The following VGLL4 variants were observed in gnomAD, a reference collection of about 807,000 sequenced individuals.
The protein encoded by VGLL4 is vestigial like family member 4.
Under a neutral mutation model 21.0 loss-of-function variants are expected in VGLL4, and 7 were observed. The ratio of observed to expected loss-of-function variants is 0.33; its 90% CI spans 0.19 to 0.63. VGLL4 has a LOEUF of 0.63. VGLL4 is among the 20% of genes least tolerant of loss of function. VGLL4 has a pLI of 0.78. For missense variants in VGLL4, 394 were observed against 425.7 expected, an observed-to-expected ratio of 0.93 and a Z score of 0.66; for synonymous variants, 222 against 173.2, an observed-to-expected ratio of 1.28 and a Z score of -2.21.
At chr3:11,593,446 G>A (rs1424373560) in intron 2 of VGLL4, among the ~76,000 whole-genome samples, 1 of 152,166 alleles carries the variant, frequency 6.6e-6, no homozygotes, top group Non-Finnish European at 1.5e-5. Flanking sequence ...TATATGCCCA[G>A]CACCTGATTT....
chr3:11,687,932 A>G (rs1335012278), intron 2 of VGLL4, among the ~76,000 whole-genome samples: 1 of 152,152 alleles, frequency 6.6e-6, no homozygotes, highest in South Asian at 2.1e-4. Flanking sequence ...GTAAGTTTCT[A>G]TCAGATATAT....
At chr3:11,694,438 T>C (rs955350264) in intron 2 of VGLL4, among the ~76,000 whole-genome samples, 5 of 152,086 alleles carry the variant, frequency 3.3e-5, no homozygotes, top group Admixed American at 6.6e-5. Context: ...CTGGCCAACA[T>C]GGTGAAACCC....
At chr3:11,717,432 C>T (rs950378942) in intron 1 of VGLL4, among the ~76,000 whole-genome samples, 4 of 150,734 alleles carry the variant, frequency 2.7e-5, no homozygotes, top group Non-Finnish European at 5.9e-5. Context: ...TTGGCAACCA[C>T]CAGAGACTGG....
intron 2 of VGLL4, among the ~76,000 whole-genome samples, chr3:11,670,938 G>A (rs1413023920): frequency 6.6e-6 from 1 of 152,210 alleles, no homozygotes; most frequent in East Asian, 1.9e-4. Context: ...TCGGGAGGCT[G>A]AGGCAGAAGA....
intron 2 of VGLL4, among the ~76,000 whole-genome samples, chr3:11,655,494 A>G (rs889925520): frequency 1.2e-4 from 18 of 152,220 alleles, no homozygotes; most frequent in African/African-American, 4.1e-4. Context: ...TTTACACAGA[A>G]GGGGCAAACC....
At chr3:11,581,743 C>T (rs891555874) in intron 2 of VGLL4, among the ~76,000 whole-genome samples, 2 of 152,220 alleles carry the variant, frequency 1.3e-5, no homozygotes, top group South Asian at 2.1e-4. Context: ...CAGACTCCAA[C>T]TGCAGCCAAG....
At chr3:11,701,670 G>A (rs1435430589) in intron 2 of VGLL4, among the ~76,000 whole-genome samples, 1 of 152,126 alleles carries the variant, frequency 6.6e-6, no homozygotes, top group Admixed American at 6.5e-5. Context: ...CTGAGGCTTA[G>A]AAAAATAAAA....
rs2076962371 is a variant in VGLL4 at position 11,719,420 on chromosome 3, C to T, written c.-14+974G>A. On this transcript the variant is annotated intron_variant, in intron 1 of 5. Coordinates refer to the VGLL4 transcript ENST00000273038. This position sits in a 1 kb window ranked among gnomAD's most constrained non-coding sequence, Gnocchi z 4.0. ...CGACCGGGTCAACCGCACTCACCGC[C>T]CGGCGGCTCTGGGCGCGCCCGCCTG... is the stretch of plus-strand genomic sequence containing the variant. 1 of 151,838 alleles carries T rather than the reference C, an allele frequency of 6.6e-6. No individual in the cohort carries two copies. The highest frequency in any genetic ancestry group is 6.6e-5 in the Admixed American group (1 of 15,230). The allele number at this position is 151,838 out of a possible 1,614,324, so 9.4% of individuals were successfully genotyped here.
rs2072424547 is a variant in VGLL4 at position 11,556,490 on chromosome 3, T to TGTTAC, written c.*2061_*2065dup. On this transcript the variant is annotated 3_prime_UTR_variant, in exon 5 of 5. Transcript: ENST00000430365. ...GCCGGTCAGCTGTGGGTGGTTTTCC[T>TGTTAC]GTTACGACGCTCAGTAGCCTGTAGC... 6.5e-6 allele frequency: 1 copy of TGTTAC among 152,686 alleles called. No homozygotes were observed. The highest frequency in any genetic ancestry group is 2.4e-5 in the African/African-American group (1 of 41,422). The allele number at this position is 152,686 out of a possible 1,614,324, so 9.5% of individuals were successfully genotyped here. A position where few individuals can be genotyped will look rare whatever the true frequency, so the allele number is the denominator to read the frequency against.
At chr3:11,571,554 C>T (rs1363530095) in intron 2 of VGLL4, among the ~76,000 whole-genome samples, 10 of 151,908 alleles carry the variant, frequency 6.6e-5, no homozygotes, top group African/African-American at 2.2e-4. Flanking sequence ...CATGGTAGCG[C>T]CTGTAATCCC....
chr3:11,612,262 T>C (rs2075077014), intron 1 of VGLL4: 1 of 152,216 alleles, frequency 6.6e-6, no homozygotes, highest in African/African-American at 2.4e-5. Context: ...TCAGGGCTAA[T>C]AGAAGTCCCT....
At position 11,568,743 on chromosome 3, in the gene VGLL4, A is replaced by G. The variant is rs2073653238; in HGVS notation, c.273-3724T>C. On this transcript the variant is annotated intron_variant, in intron 2 of 4. Coordinates refer to ENST00000430365, the MANE Select transcript of VGLL4 (RefSeq NM_001128219.3). The surrounding 1 kb of genome is among the most constrained non-coding windows in gnomAD (Gnocchi z 5.9). ...CCGGGGACGGCAGAAAACCGCACGC[A>G]TCCTGCCCGGGAGATGGAAGTCGCC... 1 of 1,527,938 alleles carries G rather than the reference A, an allele frequency of 6.5e-7. No homozygotes were observed. Among genetic ancestry groups the G allele is most frequent in the African/African-American group, 1.4e-5 (1 of 72,366 alleles). The allele number at this position is 1,527,938 out of a possible 1,614,324, so 94.6% of individuals were successfully genotyped here.
At position 11,627,230 on chromosome 3, in the gene VGLL4, A is replaced by ACACACACTCT. The variant is rs1491347863; in HGVS notation, c.82+16206_82+16207insAGAGTGTGTG. On this transcript the variant is annotated intron_variant, in intron 1 of 4. Coordinates refer to ENST00000430365, the MANE Select transcript of VGLL4 (RefSeq NM_001128219.3). ...CACACACACACACACACACACACAC[A>ACACACACTCT]CTCTCTCTCTCTCTCTCTCTGTCGG... 2.5e-3 allele frequency: 310 copies of ACACACACTCT among 123,306 alleles called. 2 individuals carry two copies. The highest frequency in any genetic ancestry group is 9.6e-3 in the African/African-American group (293 of 30,580). The allele number at this position is 123,306 out of a possible 1,614,324, so 7.6% of individuals were successfully genotyped here. A position where few individuals can be genotyped will look rare whatever the true frequency, so the allele number is the denominator to read the frequency against.
chr3:11,685,250 G>A (rs2076430662), intron 2 of VGLL4, among the ~76,000 whole-genome samples: 1 of 149,532 alleles, frequency 6.7e-6, no homozygotes, highest in South Asian at 2.2e-4. Context: ...CCAGGCTGGA[G>A]TGCAGTGGTG....
chr3:11,599,647 T>C (rs1469658642), intron 2 of VGLL4, among the ~76,000 whole-genome samples: 1 of 139,714 alleles, frequency 7.2e-6, no homozygotes, highest in Non-Finnish European at 1.5e-5. Flanking sequence ...GCCTCCCGAG[T>C]AGCTGGGATG....
intron 2 of VGLL4, among the ~76,000 whole-genome samples, chr3:11,573,367 G>C (rs1294690192): frequency 7.4e-6 from 1 of 134,814 alleles, no homozygotes; most frequent in African/African-American, 2.7e-5. Context: ...AAGAAAGAAA[G>C]AAAGAAAGAA....
chr3:11,718,719 C>T (rs1281549650), intron 1 of VGLL4, among the ~76,000 whole-genome samples: 1 of 152,062 alleles, frequency 6.6e-6, no homozygotes, highest in Admixed American at 6.6e-5. Context: ...GGAGACAGTG[C>T]CTTTCAAAGA....
intron 3 of VGLL4, among the ~76,000 whole-genome samples, chr3:11,560,281 C>G (rs2072866104): frequency 6.6e-6 from 1 of 152,222 alleles, no homozygotes; most frequent in Non-Finnish European, 1.5e-5. Flanking sequence ...GGTGTGGAAC[C>G]TGGGACAGAA....
At chr3:11,593,241 G>A (rs1266715655) in intron 2 of VGLL4, among the ~76,000 whole-genome samples, 1 of 152,166 alleles carries the variant, frequency 6.6e-6, no homozygotes, top group Non-Finnish European at 1.5e-5. Context: ...AGACATAGAA[G>A]CAACAGCTGC....
Sources: gnomAD v4.1 joint callset for allele counts (sites outside exome capture counted in the v4.1 genomes callset) on GRCh38, gnomAD v4.1.1 for gene constraint, Gnocchi (gnomAD v3.1) non-coding constraint, MANE v1.5 for transcripts, NCBI Gene and HGNC (gene_info 2026-07-23, HGNC 2026-07-21) for gene names.